EFNA5: variants seen among roughly 807,000 people sequenced by gnomAD.
The protein encoded by EFNA5 is ephrin A5.
EFNA5 carries 5 observed loss-of-function variants against 22.9 expected under a neutral mutation model. The observed-to-expected ratio is 0.22, with a 90% CI of 0.11 to 0.46. The LOEUF (loss-of-function observed/expected upper bound fraction) is 0.46, where lower values mean the gene tolerates loss of function less well. EFNA5 is among the 20% of genes least tolerant of loss of function. The pLI is 0.99. For synonymous variants in EFNA5, 113 were observed against 112.2 expected (o/e 1.01, Z -0.04); for missense variants, 237 against 293.3 (o/e 0.81, Z 1.40).
chr5:107,428,214 C>T (rs369320874), intron 1 of EFNA5, among the ~76,000 whole-genome samples: 4 of 152,214 alleles, frequency 2.6e-5, no homozygotes, highest in Non-Finnish European at 2.9e-5. Flanking sequence ...TTTAGTGCAT[C>T]TCGATTTTGA....
intron 1 of EFNA5, among the ~76,000 whole-genome samples, chr5:107,547,723 T>A (rs1253023627): frequency 6.6e-6 from 1 of 152,212 alleles, no homozygotes; most frequent in Non-Finnish European, 1.5e-5. Context: ...ATTTTTCTTT[T>A]TGATGATATA....
At chr5:107,528,996 T>C (rs1747754986) in intron 1 of EFNA5, among the ~76,000 whole-genome samples, 1 of 152,212 alleles carries the variant, frequency 6.6e-6, no homozygotes, top group South Asian at 2.1e-4. Context: ...TGTATATATG[T>C]TTGTGTACAT....
chr5:107,459,894 C>T (rs930207778), intron 1 of EFNA5, among the ~76,000 whole-genome samples: 5 of 152,156 alleles, frequency 3.3e-5, no homozygotes, highest in African/African-American at 4.8e-5. Context: ...TGCCAACAAA[C>T]AGCAGGGTCA....
chr5:107,386,517 T>C (rs1747629147), intron 4 of EFNA5, among the ~76,000 whole-genome samples: 1 of 152,214 alleles, frequency 6.6e-6, no homozygotes, highest in African/African-American at 2.4e-5. Flanking sequence ...TTTCTTTAGT[T>C]ATGGGAAACA....
At chr5:107,425,352 T>C (rs530159256) in intron 2 of EFNA5, among the ~76,000 whole-genome samples, 2 of 152,334 alleles carry the variant, frequency 1.3e-5, no homozygotes, top group South Asian at 4.1e-4. Context: ...CTGTTGTTTT[T>C]TTAATCTGAG....
intron 1 of EFNA5, among the ~76,000 whole-genome samples, chr5:107,607,236 T>C (rs1749742488): frequency 6.6e-6 from 1 of 152,162 alleles, no homozygotes; most frequent in Non-Finnish European, 1.5e-5. Context: ...ATAACACAAT[T>C]TGATACATTA....
At chr5:107,628,694 T>A (rs1750187178) in intron 1 of EFNA5, among the ~76,000 whole-genome samples, 1 of 152,006 alleles carries the variant, frequency 6.6e-6, no homozygotes, top group South Asian at 2.1e-4. Context: ...ACAATGTAAC[T>A]CAAAGAGGGA....
At chr5:107,618,671 T>C (rs898610598) in intron 1 of EFNA5, among the ~76,000 whole-genome samples, 2 of 152,186 alleles carry the variant, frequency 1.3e-5, no homozygotes, top group African/African-American at 4.8e-5. Context: ...TGTCTGCTAT[T>C]TTGGAGAAAA....
At chr5:107,430,280 C>A (rs1229482990) in intron 1 of EFNA5, among the ~76,000 whole-genome samples, 1 of 152,090 alleles carries the variant, frequency 6.6e-6, no homozygotes, top group Non-Finnish European at 1.5e-5. Context: ...CATCAGCACT[C>A]AGAGTAGCCT....
Position 107,379,955 on chromosome 5 carries a change from C to T in EFNA5, c.*1300G>A, listed in dbSNP as rs1184003431. ...CTTTGGGACTCCATCTTGTTTATCT[C>T]CCACAGATAAACACATGTTCCCCCT... On this transcript the variant is annotated 3_prime_UTR_variant, in exon 5 of 5. Transcript: ENST00000333274. 1 of 152,118 alleles carries T rather than the reference C, an allele frequency of 6.6e-6. No individual in the cohort carries two copies. The highest frequency in any genetic ancestry group is 1.9e-4 in the East Asian group (1 of 5,196). 9.4% of individuals were successfully genotyped at this position (152,118 alleles called of 1,614,324 possible).
At chr5:107,443,725 G>C (rs987685901) in intron 1 of EFNA5, among the ~76,000 whole-genome samples, 7 of 152,238 alleles carry the variant, frequency 4.6e-5, no homozygotes, top group East Asian at 1.9e-4. Flanking sequence ...TGGGTGAAAA[G>C]GGGAGGGAGA....
At chr5:107,490,658 G>A (rs1746779139) in intron 1 of EFNA5, among the ~76,000 whole-genome samples, 1 of 152,130 alleles carries the variant, frequency 6.6e-6, no homozygotes. Context: ...CCTTTGGCAG[G>A]GAACATTAAC....
chr5:107,465,816 A>T (rs762537320), intron 1 of EFNA5, among the ~76,000 whole-genome samples: 23 of 151,972 alleles, frequency 1.5e-4, no homozygotes, highest in Non-Finnish European at 2.9e-4. Flanking sequence ...AAAGATACAC[A>T]CACAATCCAA....
intron 1 of EFNA5, among the ~76,000 whole-genome samples, chr5:107,559,155 A>G (rs1748481391): frequency 1.3e-5 from 2 of 152,120 alleles, no homozygotes; most frequent in African/African-American, 4.8e-5. Flanking sequence ...TCCCTATGCA[A>G]CTTTCCTTCC....
At chr5:107,501,187 T>G (rs1464992796) in intron 1 of EFNA5, among the ~76,000 whole-genome samples, 1 of 152,252 alleles carries the variant, frequency 6.6e-6, no homozygotes, top group Non-Finnish European at 1.5e-5. Context: ...TTAAAACAAT[T>G]TATTTGCATG....
intron 1 of EFNA5, among the ~76,000 whole-genome samples, chr5:107,585,640 C>G (rs2112497847): frequency 6.6e-6 from 1 of 152,286 alleles, no homozygotes; most frequent in Non-Finnish European, 1.5e-5. Context: ...CACTATCCAA[C>G]AGGTGAAGGT....
chr5:107,530,497 T>G (rs561695622), intron 1 of EFNA5, among the ~76,000 whole-genome samples: 1 of 152,312 alleles, frequency 6.6e-6, no homozygotes, highest in South Asian at 2.1e-4. Flanking sequence ...GGGTAAGTTA[T>G]CTCCACTACA....
intron 1 of EFNA5, among the ~76,000 whole-genome samples, chr5:107,648,197 A>G (rs1750663808): frequency 6.6e-6 from 1 of 152,188 alleles, no homozygotes; most frequent in Non-Finnish European, 1.5e-5. Context: ...GCAAGTTTTG[A>G]AAAGTTCATT....
chr5:107,426,292 G>T (rs1450993967), intron 2 of EFNA5, among the ~76,000 whole-genome samples: 1 of 152,184 alleles, frequency 6.6e-6, no homozygotes, highest in African/African-American at 2.4e-5. Context: ...ACTAGTTAAA[G>T]TCCAGATACA....
Sources: gnomAD v4.1 joint callset for allele counts (sites outside exome capture counted in the v4.1 genomes callset) on GRCh38, gnomAD v4.1.1 for gene constraint, MANE v1.5 for transcripts, NCBI Gene and HGNC (gene_info 2026-07-23, HGNC 2026-07-21) for gene names.